Variants in CABCOCO1 observed in about 807,000 individuals in gnomAD.
CABCOCO1 encodes ciliary-associated calcium-binding coiled-coil protein 1.
A neutral mutation model predicts 35.7 loss-of-function variants in CABCOCO1; 28 were observed. That is an observed-to-expected ratio of 0.78 (90% CI 0.58 to 1.07). The LOEUF is 1.07. CABCOCO1 is among the 50% of genes least tolerant of loss of function. CABCOCO1 has a pLI of 0.00. For missense variants in CABCOCO1, 326 were observed against 309.2 expected (o/e 1.05, Z -0.41); for synonymous variants, 95 against 100.1 (o/e 0.95, Z 0.30).
chr10:61,680,478 A>ATATATATAACATTATATGTTATATTATGT (rs1839694295), intron 2 of CABCOCO1, among the ~76,000 whole-genome samples: 1 of 25,484 alleles, frequency 3.9e-5, no homozygotes, highest in Non-Finnish European at 9.5e-5. Context: ...ATATATATTT[A>ATATATATAACATTATATGTTATATTATGT]TATATATAAC....
intron 5 of CABCOCO1, among the ~76,000 whole-genome samples, chr10:61,699,966 T>G (rs938845033): frequency 6.6e-6 from 1 of 152,142 alleles, no homozygotes; most frequent in Non-Finnish European, 1.5e-5. Context: ...ATTTTATTGA[T>G]TAATTACACA....
chr10:61,763,075 G>A (rs1047014547), intron 7 of CABCOCO1, among the ~76,000 whole-genome samples: 21 of 152,068 alleles, frequency 1.4e-4, no homozygotes, highest in African/African-American at 3.9e-4. Flanking sequence ...TGAACACACC[G>A]ACCTGCTGTA....
At chr10:61,739,885 T>C (rs1050354646) in intron 5 of CABCOCO1, among the ~76,000 whole-genome samples, 2 of 152,136 alleles carry the variant, frequency 1.3e-5, no homozygotes, top group African/African-American at 4.8e-5. Flanking sequence ...GAGGCTGCAG[T>C]GAGCAGAGAT....
intron 5 of CABCOCO1, among the ~76,000 whole-genome samples, chr10:61,729,891 A>T (rs1041898337): frequency 6.6e-6 from 1 of 152,168 alleles, no homozygotes; most frequent in African/African-American, 2.4e-5. Flanking sequence ...GATTTCACTT[A>T]TATCAGTTAT....
At chr10:61,690,526 T>G in intron 4 of CABCOCO1, 23 bp from the exon 5 acceptor site, 1 of 1,509,996 alleles carries the variant, frequency 6.6e-7, no homozygotes, top group East Asian at 2.3e-5. Context: ...CTTATCAGAG[T>G]GCACATTTAT....
intron 5 of CABCOCO1, among the ~76,000 whole-genome samples, chr10:61,695,256 C>A (rs1840264763): frequency 1.3e-5 from 2 of 148,774 alleles, no homozygotes; most frequent in South Asian, 2.1e-4. Context: ...CAAGTTAGTC[C>A]ATAACTGAAG....
intron 5 of CABCOCO1, among the ~76,000 whole-genome samples, chr10:61,708,721 A>C (rs1163482568): frequency 6.6e-6 from 1 of 152,114 alleles, no homozygotes; most frequent in African/African-American, 2.4e-5. Context: ...TTGGGGACTA[A>C]GTTTCAACAT....
intron 5 of CABCOCO1, among the ~76,000 whole-genome samples, chr10:61,708,872 C>T (rs948533442): frequency 6.6e-6 from 1 of 152,032 alleles, no homozygotes; most frequent in African/African-American, 2.4e-5. Flanking sequence ...TTCTTTTGTC[C>T]AATTTGTATT....
intron 5 of CABCOCO1, among the ~76,000 whole-genome samples, chr10:61,707,018 A>G (rs1158576259): frequency 6.6e-6 from 1 of 152,004 alleles, no homozygotes; most frequent in Non-Finnish European, 1.5e-5. Flanking sequence ...TCGGTGCACT[A>G]TTTTCTCTTA....
chr10:61,666,967 T>C (rs1025569583), intron 1 of CABCOCO1, among the ~76,000 whole-genome samples: 11 of 140,854 alleles, frequency 7.8e-5, no homozygotes, highest in Non-Finnish European at 1.5e-4. Flanking sequence ...AATATAATTA[T>C]ATATTATATA....
chr10:61,691,044 C>T (rs1049773773), intron 5 of CABCOCO1, among the ~76,000 whole-genome samples: 1 of 151,998 alleles, frequency 6.6e-6, no homozygotes, highest in Admixed American at 6.6e-5. Context: ...ATTTAGATCC[C>T]ACTTCCTCAG....
chr10:61,750,852 A>G (rs1025212423), intron 5 of CABCOCO1, among the ~76,000 whole-genome samples: 2 of 152,210 alleles, frequency 1.3e-5, no homozygotes, highest in Admixed American at 6.5e-5. Context: ...TCAACATCCA[A>G]TGAATGCCCC....
intron 5 of CABCOCO1, among the ~76,000 whole-genome samples, chr10:61,747,461 C>T (rs943735878): frequency 6.6e-6 from 1 of 151,920 alleles, no homozygotes; most frequent in Admixed American, 6.6e-5. Context: ...GGGGCAATGA[C>T]GATAATCATT....
chr10:61,756,532 TTTA>T (rs1841900344), intron 5 of CABCOCO1, among the ~76,000 whole-genome samples: 1 of 152,070 alleles, frequency 6.6e-6, no homozygotes, highest in Non-Finnish European at 1.5e-5. Flanking sequence ...CATGATTGTT[TTTA>T]TTATATCCAT....
chr10:61,712,539 T>C (rs1840756559), intron 5 of CABCOCO1, among the ~76,000 whole-genome samples: 1 of 152,230 alleles, frequency 6.6e-6, no homozygotes, highest in Non-Finnish European at 1.5e-5. Flanking sequence ...TTGGCTTTTG[T>C]TGCCATTGCT....
At chr10:61,669,941 T>C (rs1839307262) in intron 1 of CABCOCO1, among the ~76,000 whole-genome samples, 1 of 152,166 alleles carries the variant, frequency 6.6e-6, no homozygotes, top group Admixed American at 6.5e-5. Flanking sequence ...AATTAAAATT[T>C]AGGTTCAAAT....
At chr10:61,680,477 TA>T (rs369045410) in intron 2 of CABCOCO1, among the ~76,000 whole-genome samples, 6,766 of 30,860 alleles carry the variant, frequency 0.22, 452 homozygotes, top group Non-Finnish European at 0.28. Flanking sequence ...AATATATATT[TA>T]TATATATAAC....
At chr10:61,663,256 CGCCGTGCACGGT>C (rs1348196523) in intron 1 of CABCOCO1, 1 of 161,740 alleles carries the variant, frequency 6.2e-6, no homozygotes, top group Non-Finnish European at 1.4e-5. Context: ...GGCCCCGGCG[CGCCGTGCACGGT>C]GCCAGCGGGT....
At chr10:61,693,539 A>G (rs1383647831) in intron 5 of CABCOCO1, among the ~76,000 whole-genome samples, 2 of 152,164 alleles carry the variant, frequency 1.3e-5, no homozygotes, top group Non-Finnish European at 2.9e-5. Flanking sequence ...AAGTGAGGAA[A>G]GAATGATGAA....
Sources: allele counts gnomAD v4.1 joint callset (sites outside exome capture counted in the v4.1 genomes callset), GRCh38; gene constraint gnomAD v4.1.1; transcripts MANE v1.5; gene names NCBI Gene and HGNC (gene_info 2026-07-23, HGNC 2026-07-21).